The following NALF1 variants were observed in gnomAD, a reference collection of about 807,000 sequenced individuals.
NALF1 encodes the protein NALCN channel auxiliary factor 1, also known as family with sequence similarity 155 member A.
Under a neutral mutation model 48.4 loss-of-function variants are expected in NALF1, and 3 were observed. That is an observed-to-expected ratio of 0.06 (90% CI 0.03 to 0.16). The LOEUF is 0.16. NALF1 is among the 10% of genes least tolerant of loss of function. The pLI is 1.00. For synonymous variants in NALF1, 262 were observed against 245.7 expected (o/e 1.07, Z -0.62); for missense variants, 526 against 571.5 (o/e 0.92, Z 0.81).
At chr13:107,680,119 ACCCAGCTGCCCAGGTG>A (rs1313707329) in intron 1 of NALF1, among the ~76,000 whole-genome samples, 4 of 152,004 alleles carry the variant, frequency 2.6e-5, no homozygotes, top group Non-Finnish European at 5.9e-5. Context: ...AGCTGCAGGT[ACCCAGCTGCCCAGGTG>A]CCCAGCAGCT....
At chr13:107,185,011 T>A (rs896937285) in intron 2 of NALF1, among the ~76,000 whole-genome samples, 2 of 152,198 alleles carry the variant, frequency 1.3e-5, no homozygotes, top group East Asian at 3.9e-4. Context: ...AGAAAAGATG[T>A]GGACACAAAG....
At chr13:107,615,008 C>T (rs1194375589) in intron 1 of NALF1, among the ~76,000 whole-genome samples, 4 of 152,156 alleles carry the variant, frequency 2.6e-5, no homozygotes, top group East Asian at 3.9e-4. Context: ...AACTCCTGAG[C>T]TCAGGTGACC....
rs1401361471 is a variant in NALF1 at position 107,412,158 on chromosome 13, C to A, written c.916-201403G>T. 2.0e-5 allele frequency among the ~76,000 whole-genome samples: 3 copies of A among 152,158 alleles called. No individual in the cohort carries two copies. In the East Asian group the frequency reaches 5.8e-4, roughly 29 times the overall value. On this transcript the variant is annotated intron_variant, in intron 1 of 2. Transcript: ENST00000375915. ...ACCAGTAGGTCCAAATTTCCACGCG[C>A]TTAAACAATAGTTTCCCACGTGAAC...
intron 1 of NALF1, among the ~76,000 whole-genome samples, chr13:107,343,686 A>G (rs892132613): frequency 6.6e-6 from 1 of 152,202 alleles, no homozygotes; most frequent in Non-Finnish European, 1.5e-5. Context: ...TCTTGAGACA[A>G]CCTAACAAAG....
chr13:107,315,110 C>T (rs1455269400), intron 1 of NALF1, among the ~76,000 whole-genome samples: 1 of 152,012 alleles, frequency 6.6e-6, no homozygotes, highest in Non-Finnish European at 1.5e-5. Context: ...AAAATATGAC[C>T]TTTTCCCTCA....
intron 1 of NALF1, among the ~76,000 whole-genome samples, chr13:107,512,063 A>G (rs1594102940): frequency 6.6e-6 from 1 of 152,204 alleles, no homozygotes; most frequent in Non-Finnish European, 1.5e-5. Flanking sequence ...GTTTATCTGA[A>G]GCATACATTG....
chr13:107,833,655 T>C (rs1426085107), intron 1 of NALF1, among the ~76,000 whole-genome samples: 2 of 152,232 alleles, frequency 1.3e-5, no homozygotes, highest in East Asian at 1.9e-4. Context: ...ACGAAAGCAA[T>C]GGGGAAACAG....
intron 1 of NALF1, among the ~76,000 whole-genome samples, chr13:107,802,778 G>A (rs74349646): frequency 0.017 from 2,556 of 152,126 alleles, 82 homozygotes; most frequent in African/African-American, 0.059. Context: ...ATTGCTGAAC[G>A]TGGTAGACAG....
chr13:107,204,099 C>T (rs1879583485), intron 2 of NALF1, among the ~76,000 whole-genome samples: 1 of 112,758 alleles, frequency 8.9e-6, no homozygotes, highest in Admixed American at 9.1e-5. Context: ...GAGCTGGAGG[C>T]AGAGAGGGGC....
chr13:107,195,539 G>T (rs1879371733), intron 2 of NALF1, among the ~76,000 whole-genome samples: 1 of 152,160 alleles, frequency 6.6e-6, no homozygotes. Flanking sequence ...TTACTTTCAA[G>T]GTTGCTCTCT....
At chr13:107,443,849 T>G (rs1884606152) in intron 1 of NALF1, among the ~76,000 whole-genome samples, 1 of 152,220 alleles carries the variant, frequency 6.6e-6, no homozygotes, top group Admixed American at 6.5e-5. Context: ...TTTGTAAATG[T>G]GCTTAATGTG....
chr13:107,669,452 T>G (rs1053853648), intron 1 of NALF1, among the ~76,000 whole-genome samples: 1 of 152,136 alleles, frequency 6.6e-6, no homozygotes, highest in Admixed American at 6.6e-5. Context: ...TGTAAGCTCA[T>G]GCCATTAACA....
At chr13:107,388,906 T>G (rs1329066340) in intron 1 of NALF1, among the ~76,000 whole-genome samples, 1 of 152,194 alleles carries the variant, frequency 6.6e-6, no homozygotes. Context: ...TGATAATACA[T>G]TACACATTCA....
At chr13:107,428,529 A>G (rs1177695261) in intron 1 of NALF1, among the ~76,000 whole-genome samples, 1 of 152,180 alleles carries the variant, frequency 6.6e-6, no homozygotes, top group African/African-American at 2.4e-5. Flanking sequence ...TCCAGCCCTA[A>G]AATTCTGAGG....
chr13:107,818,941 T>A (rs1007343196), intron 1 of NALF1, among the ~76,000 whole-genome samples: 1 of 148,402 alleles, frequency 6.7e-6, no homozygotes, highest in Non-Finnish European at 1.5e-5. Context: ...GGTGAAAAGA[T>A]CCAACTATGT....
intron 1 of NALF1, among the ~76,000 whole-genome samples, chr13:107,770,553 A>G (rs1877550297): frequency 6.6e-6 from 1 of 152,236 alleles, no homozygotes; most frequent in South Asian, 2.1e-4. Context: ...CACTTCTGAA[A>G]CAGACTTCAA....
chr13:107,328,007 A>G (rs1448223245), intron 1 of NALF1, among the ~76,000 whole-genome samples: 1 of 151,636 alleles, frequency 6.6e-6, no homozygotes, highest in African/African-American at 2.4e-5. Context: ...CACAGCCTCA[A>G]CCTCCAAGGC....
At chr13:107,569,713 ATATTC>A (rs1877929828) in intron 1 of NALF1, among the ~76,000 whole-genome samples, 2 of 152,258 alleles carry the variant, frequency 1.3e-5, no homozygotes, top group Admixed American at 1.3e-4. Flanking sequence ...ATTGTCTTGA[ATATTC>A]TAGAGTCTTT....
chr13:107,575,937 GTGTGTGTATGTGTA>G (rs767115525), intron 1 of NALF1, among the ~76,000 whole-genome samples: 1 of 150,324 alleles, frequency 6.7e-6, no homozygotes, highest in Non-Finnish European at 1.5e-5. Flanking sequence ...ATGTGTGCAT[GTGTGTGTATGTGTA>G]TGTGTGTGTT....
Sources: gnomAD v4.1 joint callset for allele counts (sites outside exome capture counted in the v4.1 genomes callset) on GRCh38, gnomAD v4.1.1 for gene constraint, MANE v1.5 for transcripts, NCBI Gene and HGNC (gene_info 2026-07-23, HGNC 2026-07-21) for gene names.